Variants in REXO4 observed in about 807,000 individuals in gnomAD.
REXO4 encodes the protein RNA exonuclease 4.
Under a neutral mutation model 39.9 loss-of-function variants are expected in REXO4, and 29 were observed. The observed-to-expected ratio is 0.73, with a 90% CI of 0.54 to 0.99. The LOEUF (loss-of-function observed/expected upper bound fraction) is 0.99, where lower values mean the gene tolerates loss of function less well. Ranked by LOEUF, REXO4 falls within the 50% of genes least tolerant of loss-of-function variation. The probability of loss-of-function intolerance (pLI) is 0.00; values close to 1 mark genes in which losing one functional copy is unlikely to be tolerated. For synonymous variants in REXO4, 184 were observed against 206.2 expected, an observed-to-expected ratio of 0.89 and a Z score of 0.92; for missense variants, 524 against 546.5, an observed-to-expected ratio of 0.96 and a Z score of 0.41.
intron 3 of REXO4, 140 bp downstream of exon 3, chr9:133,412,638 T>C: frequency 7.2e-7 from 1 of 1,397,656 alleles, no homozygotes; most frequent in African/African-American, 1.4e-5. Context: ...AAGCTCTGTG[T>C]GGTCCTGGTT....
At chr9:133,413,107 T>C (rs370468619) in intron 2 of REXO4, among the ~76,000 whole-genome samples, 186 bp from the exon 3 acceptor site, 89 of 148,166 alleles carry the variant, frequency 6.0e-4, no homozygotes, top group Admixed American at 8.8e-4. Context: ...GGCATTTTCC[T>C]TTTTTTTTTG....
chr9:133,406,846 T>C lies in REXO4; in HGVS notation c.*107A>G. The C allele has an allele frequency of 6.5e-7, 1 of 1,529,150 alleles. No individual in the cohort carries two copies. Among genetic ancestry groups the C allele is most frequent in the Non-Finnish European group, 8.9e-7 (1 of 1,125,766 alleles). 94.7% of individuals were successfully genotyped at this position (1,529,150 alleles called of 1,614,324 possible). A position where few individuals can be genotyped will look rare whatever the true frequency, so the allele number is the denominator to read the frequency against. Reference sequence around the variant, plus strand: ...CCACGCCACGCCCCTCTGCCATGATTCTGAAAAGGTTTCACCAGAGTTGCC... The same window carrying C: ...CCACGCCACGCCCCTCTGCCATGATCCTGAAAAGGTTTCACCAGAGTTGCC... On this transcript the variant is annotated 3_prime_UTR_variant, in exon 8 of 8. Transcript: ENST00000371942.
Position 133,412,464 on chromosome 9 carries a change from C to G in REXO4, c.745G>C (p.Glu249Gln). Reference sequence around the variant, plus strand: ...CCCTTAGGGCCCACGCCCACCATCTCACAGTCCAAGGCTAAGGCTCTTGTC... The same window carrying G: ...CCCTTAGGGCCCACGCCCACCATCTGACAGTCCAAGGCTAAGGCTCTTGTC... Reference protein sequence around the residue: ...GLTRALALDCEMVGVGPKGEE... With the variant: ...GLTRALALDCQMVGVGPKGEE... Residue 249 changes from glutamate (E) to glutamine (Q), a missense_variant, in exon 4 of 8, where the codon GAG becomes CAG. Physicochemically the swap from Glu to Gln is conservative, Grantham distance 29 (BLOSUM62 2). Transcript: ENST00000371942. 1 of 1,614,138 alleles carries G rather than the reference C, an allele frequency of 6.2e-7. No individual in the cohort carries two copies. The highest frequency in any genetic ancestry group is 8.5e-7 in the Non-Finnish European group (1 of 1,180,028).
chr9:133,407,774 A>G (rs995751823), intron 7 of REXO4, 33 bp downstream of exon 7: 4 of 1,597,866 alleles, frequency 2.5e-6, no homozygotes, highest in Non-Finnish European at 3.4e-6. Flanking sequence ...AACCGCCCCA[A>G]ACCCCATGAA....
rs75121158 is a variant in REXO4 at position 133,416,637 on chromosome 9, G to A, written c.225+983C>T. Among the ~76,000 whole-genome samples, 675 of 152,360 alleles carry A rather than the reference G, an allele frequency of 4.4e-3. 5 individuals carry two copies. The highest frequency in any genetic ancestry group is 0.016 in the African/African-American group (656 of 41,588). ...GACGCACGTGGAAGAGTGTCTAGGA[G>A]AGAGCAGGCAACCTCTACAGAAGTG... On this transcript the variant is annotated intron_variant, in intron 1 of 7. Transcript: ENST00000371942.
At chr9:133,408,978 G>GTGTGTGTA (rs2130709554) in intron 5 of REXO4, 136 bp from the exon 6 acceptor site, 1 of 514,210 alleles carries the variant, frequency 1.9e-6, no homozygotes, top group East Asian at 3.3e-5. Flanking sequence ...GTGTGTGTGT[G>GTGTGTGTA]TGTGTGTGAC....
In REXO4 at chr9:133,406,645, G is replaced by A. The variant is rs1838891004; in HGVS notation, c.*308C>T. On this transcript the variant is annotated 3_prime_UTR_variant, in exon 8 of 8. Coordinates refer to ENST00000371942, the MANE Select transcript of REXO4 (RefSeq NM_020385.4). Reference sequence around the variant, plus strand: ...AGTGACAGCACCGTATGGACTGGCGGCCCACAGGCCCCAACCTCACCTGGC... The same window carrying A: ...AGTGACAGCACCGTATGGACTGGCGACCCACAGGCCCCAACCTCACCTGGC... The A allele has an allele frequency of 2.4e-6, 1 of 409,258 alleles. No homozygotes were observed. The highest frequency in any genetic ancestry group is 2.6e-5 in the South Asian group (1 of 38,642). The allele number at this position is 409,258 out of a possible 1,614,324, so 25.4% of individuals were successfully genotyped here.
Position 133,408,859 on chromosome 9 carries a change from T to C in REXO4, c.1000-17A>G, listed in dbSNP as rs1377232550. The C allele has an allele frequency of 3.3e-6, 5 of 1,503,558 alleles. No homozygotes were observed. In the African/African-American group the frequency reaches 5.6e-5, roughly 17 times the overall value. 93.1% of individuals were successfully genotyped at this position (1,503,558 alleles called of 1,614,324 possible). A position where few individuals can be genotyped will look rare whatever the true frequency, so the allele number is the denominator to read the frequency against. ...AAATAGTACCTAGAAAAATAAAATA[T>C]AATGATAATCATTTTCATTTTTGGT... On this transcript the variant is annotated splice_polypyrimidine_tract_variant and intron_variant, in intron 5 of 7. Transcript: ENST00000371942.
intron 5 of REXO4, among the ~76,000 whole-genome samples, chr9:133,410,063 C>T (rs1484731627): frequency 6.6e-6 from 1 of 152,180 alleles, no homozygotes; most frequent in Non-Finnish European, 1.5e-5. Flanking sequence ...AGCATGAACA[C>T]CTCCAGCATC....
Position 133,417,678 on chromosome 9 carries a change from A to G in REXO4, c.167T>C (p.Val56Ala). 1 of 1,614,100 alleles carries G rather than the reference A, an allele frequency of 6.2e-7. No individual in the cohort carries two copies. The highest frequency in any genetic ancestry group is 8.5e-7 in the Non-Finnish European group (1 of 1,179,960). ...SKKPASGPGAVVRPPKAPEDF... is the reference protein window; with the variant it reads ...SKKPASGPGAAVRPPKAPEDF... ...TTCTGGTGCCTTTGGAGGTCGCACC[A>G]CAGCACCGGGGCCGCTTGCTGGCTT... Residue 56 changes from valine to alanine, a missense_variant, in exon 1 of 8, where the codon GTG (valine) becomes GCG (alanine). Coordinates refer to ENST00000371942, the MANE Select transcript of REXO4 (RefSeq NM_020385.4).
rs782536934 is a variant in REXO4, at chr9:133,412,876, A to G, written c.618T>C (p.Ala206=). The G allele has an allele frequency of 5.0e-6, 8 of 1,613,958 alleles. No individual in the cohort carries two copies. The highest frequency in any genetic ancestry group is 6.8e-6 in the Non-Finnish European group (8 of 1,180,022). The change falls in exon 3 of 8, where the codon GCT becomes GCC. Residue 206 remains alanine, a synonymous_variant. Coordinates refer to ENST00000371942, the MANE Select transcript of REXO4 (RefSeq NM_020385.4). The part of the protein sequence containing the change: ...FDDVDPADIE[A]AIGPEAAKIA... ...TCTTGGCCGCCTCTGGACCTATGGCAGCTTCGATATCCGCTGGGTCCACGT... is the reference window on the plus strand; with the variant it reads ...TCTTGGCCGCCTCTGGACCTATGGCGGCTTCGATATCCGCTGGGTCCACGT...
In REXO4 at chr9:133,406,845, TTCTGAAAAGGTTTCACCAGAGTTGCCAC is replaced by T. The variant is rs1281749447; in HGVS notation, c.*80_*107del. On this transcript the variant is annotated 3_prime_UTR_variant, in exon 8 of 8. Transcript: ENST00000371942. ...ACCACGCCACGCCCCTCTGCCATGA[TTCTGAAAAGGTTTCACCAGAGTTGCCAC>T]TCTGGGGAGATGTGATCTGTCCCTG... 3.0e-5 allele frequency: 46 copies of T among 1,526,434 alleles called. No homozygotes were observed. Among genetic ancestry groups the T allele is most frequent in the Non-Finnish European group, 3.6e-6 (4 of 1,123,744 alleles). The allele number at this position is 1,526,434 out of a possible 1,614,324, so 94.6% of individuals were successfully genotyped here.
Position 133,412,445 on chromosome 9 carries a change from G to C in REXO4, c.764C>G (p.Pro255Arg). 6.2e-7 allele frequency: 1 copy of C among 1,614,076 alleles called. No homozygotes were observed. Among genetic ancestry groups the C allele is most frequent in the Non-Finnish European group, 8.5e-7 (1 of 1,180,026 alleles). ...GGCGGCCATGCTCTCCTCCCCCTTA[G>C]GGCCCACGCCCACCATCTCACAGTC... is the stretch of plus-strand genomic sequence containing the variant. ...ALDCEMVGVG[P>R]KGEESMAARV... The change falls in exon 4 of 8, where the codon CCT (proline) becomes CGT (arginine). Residue 255 changes from proline (P) to arginine (R), a missense_variant. Transcript: ENST00000371942.
Position 133,407,087 on chromosome 9 carries a change from A to G in REXO4, c.1150-15T>C, listed in dbSNP as rs782034319. ...GCATCCTGAATCTAGACGACATGAA[A>G]CATCCCAGCAGGTGACGAGGCATAG... On this transcript the variant is annotated splice_polypyrimidine_tract_variant and intron_variant, in intron 7 of 7. Transcript: ENST00000371942. 7 of 1,611,910 alleles carry G rather than the reference A, an allele frequency of 4.3e-6. No individual in the cohort carries two copies. In the South Asian group the frequency reaches 5.5e-5, roughly 13 times the overall value.
At position 133,411,009 on chromosome 9, in the gene REXO4, C is replaced by T. The variant is rs1276857000; in HGVS notation, c.975G>A (p.Gly325=). ...AEMLKGRILV[G]HALHNDLKVL... ...CCTTTAGGTCATTATGCAGAGCGTG[C>T]CCCACTAGAATTCTGCCCTTCAGCA... Residue 325 remains glycine, a synonymous_variant, in exon 5 of 8, where the codon GGG becomes GGA. Coordinates refer to ENST00000371942, the MANE Select transcript of REXO4 (RefSeq NM_020385.4). 1.2e-6 allele frequency: 2 copies of T among 1,613,916 alleles called. No homozygotes were observed. Among genetic ancestry groups the T allele is most frequent in the Non-Finnish European group, 1.7e-6 (2 of 1,179,906 alleles).
At chr9:133,412,601 C>A in intron 3 of REXO4, 109 bp from the exon 4 acceptor site, 2 of 1,428,968 alleles carry the variant, frequency 1.4e-6, no homozygotes, top group South Asian at 2.5e-5. Flanking sequence ...AAGCTCTCTG[C>A]CCCTCACTCA....
Position 133,417,603 on chromosome 9 carries a change from GC to G in REXO4, c.225+16del. 1 of 1,610,146 alleles carries G rather than the reference GC, an allele frequency of 6.2e-7. No individual in the cohort carries two copies. The highest frequency in any genetic ancestry group is 8.5e-7 in the Non-Finnish European group (1 of 1,177,994). On this transcript the variant is annotated intron_variant, in intron 1 of 7. Coordinates refer to ENST00000371942, the MANE Select transcript of REXO4 (RefSeq NM_020385.4). ...ATGAGCTGCGCAGCGCTCCGCCCGG[GC>G]CCCCTCAAGCCTCACCTCTTGCAGC... is the stretch of plus-strand genomic sequence containing the variant.
chr9:133,410,520 G>C (rs1041724886), intron 5 of REXO4, among the ~76,000 whole-genome samples: 2 of 152,218 alleles, frequency 1.3e-5, no homozygotes, highest in Non-Finnish European at 2.9e-5. Context: ...AGAACCAGGG[G>C]CTGCCCCAGG....
At chr9:133,407,662 CAT>C in intron 7 of REXO4, 143 bp downstream of exon 7, 1 of 582,680 alleles carries the variant, frequency 1.7e-6, no homozygotes, top group Admixed American at 3.5e-5. Flanking sequence ...TCCGCTCTAC[CAT>C]TTTTTTTTTT....
Sources: allele counts gnomAD v4.1 joint callset (sites outside exome capture counted in the v4.1 genomes callset), GRCh38; gene constraint gnomAD v4.1.1; transcripts MANE v1.5; gene names NCBI Gene and HGNC (gene_info 2026-07-23, HGNC 2026-07-21).